TMPRSS11A: variants seen among roughly 807,000 people sequenced by gnomAD.
TMPRSS11A encodes the protein transmembrane serine protease 11A, also known as transmembrane protease serine 11A.
Under a neutral mutation model 58.9 loss-of-function variants are expected in TMPRSS11A, and 53 were observed. That is an observed-to-expected ratio of 0.90 (90% CI 0.72 to 1.13). The LOEUF (loss-of-function observed/expected upper bound fraction) is 1.13, where lower values mean the gene tolerates loss of function less well. Among genes scored for constraint, TMPRSS11A ranks in the 50% most tolerant of loss-of-function variants. The probability of loss-of-function intolerance (pLI) is 0.00; values close to 1 mark genes in which losing one functional copy is unlikely to be tolerated. For missense variants in TMPRSS11A, 493 were observed against 499.3 expected, an observed-to-expected ratio of 0.99 and a Z score of 0.12; for synonymous variants, 167 against 169.8, an observed-to-expected ratio of 0.98 and a Z score of 0.13.
In TMPRSS11A at chr4:67,914,710, G is replaced by A. The variant is rs376891245; in HGVS notation, c.973C>T (p.Arg325Ter). The change falls in exon 9 of 10, where the codon CGA becomes TGA. Residue 325 changes from arginine to a stop codon, truncating the protein, a stop_gained. Transcript: ENST00000508048. LOFTEE classifies it high-confidence loss of function. The part of the protein sequence containing the change: ...YYGGESQNDL[R>*]EARVKIISDD... ...CTTATGATTTTCACTCTGGCTTCTC[G>A]GAGATCATTTTGGGATTCCCCTTAA... 7.9e-5 allele frequency: 128 copies of A among 1,612,274 alleles called. No individual in the cohort carries two copies. Among genetic ancestry groups the A allele is most frequent in the South Asian group, 1.1e-4 (10 of 90,740 alleles).
chr4:67,946,905 ATCTG>A (rs1180530507), intron 1 of TMPRSS11A, among the ~76,000 whole-genome samples: 1 of 152,028 alleles, frequency 6.6e-6, no homozygotes, highest in Non-Finnish European at 1.5e-5. Context: ...TATCTCTTTT[ATCTG>A]TCTATCCTTT....
chr4:67,957,197 C>G (rs1221991363), intron 1 of TMPRSS11A, among the ~76,000 whole-genome samples: 1 of 152,038 alleles, frequency 6.6e-6, no homozygotes, highest in East Asian at 1.9e-4. Flanking sequence ...AAATTGGTAC[C>G]AATAGAGTGG....
intron 3 of TMPRSS11A, among the ~76,000 whole-genome samples, chr4:67,933,855 T>A (rs1720688652): frequency 6.6e-6 from 1 of 152,192 alleles, no homozygotes; most frequent in South Asian, 2.1e-4. Context: ...TAAAGAAGTT[T>A]GTTTTGTAAT....
At chr4:67,924,103 G>A in intron 6 of TMPRSS11A, 25 bp downstream of exon 6, 1 of 1,602,952 alleles carries the variant, frequency 6.2e-7, no homozygotes, top group Non-Finnish European at 8.5e-7. Flanking sequence ...AATTGAACTT[G>A]TTTATATAAG....
chr4:67,936,555 T>G (rs1720760498), intron 3 of TMPRSS11A, among the ~76,000 whole-genome samples: 1 of 152,078 alleles, frequency 6.6e-6, no homozygotes, highest in Admixed American at 6.6e-5. Context: ...CATGAAACTG[T>G]GACTTTCTGA....
At chr4:67,949,370 A>G (rs550325542) in intron 1 of TMPRSS11A, among the ~76,000 whole-genome samples, 1 of 152,356 alleles carries the variant, frequency 6.6e-6, no homozygotes, top group African/African-American at 2.4e-5. Flanking sequence ...AATGGTGGCC[A>G]GCAGACTAGG....
At position 67,919,208 on chromosome 4, in the gene TMPRSS11A, A is replaced by G. The variant is rs1720252108; in HGVS notation, c.717T>C (p.Thr239=). The change falls in exon 8 of 10, where the codon ACT becomes ACC. Residue 239 remains threonine (T), a synonymous_variant. Coordinates refer to ENST00000508048, the MANE Select transcript of TMPRSS11A (RefSeq NM_001114387.2). ...FQKYKNPHQW[T]VSFGTKINPP... ...GGTTGATTTTTGTTCCAAAACTAAC[A>G]GTCCATTGATGTGGATTTTTATACC... The G allele has an allele frequency of 6.2e-7, 1 of 1,613,996 alleles. No homozygotes were observed. Among genetic ancestry groups the G allele is most frequent in the Non-Finnish European group, 8.5e-7 (1 of 1,179,968 alleles).
intron 1 of TMPRSS11A, 105 bp from the exon 2 acceptor site, chr4:67,946,676 A>G: frequency 2.5e-6 from 3 of 1,176,986 alleles, no homozygotes; most frequent in Non-Finnish European, 3.4e-6. Flanking sequence ...CTTTCCCTGC[A>G]AAAAGGTCTT....
chr4:67,961,072 C>T (rs1354464704), intron 1 of TMPRSS11A, among the ~76,000 whole-genome samples: 1 of 152,116 alleles, frequency 6.6e-6, no homozygotes, highest in Non-Finnish European at 1.5e-5. Flanking sequence ...CAGATTCACA[C>T]CAAAACAGAA....
At chr4:67,953,006 T>C (rs1326677979) in intron 1 of TMPRSS11A, among the ~76,000 whole-genome samples, 3 of 152,294 alleles carry the variant, frequency 2.0e-5, no homozygotes, top group Non-Finnish European at 2.9e-5. Flanking sequence ...GGTGGTTTGG[T>C]AATGAAATTG....
At chr4:67,948,882 T>C (rs893131159) in intron 1 of TMPRSS11A, among the ~76,000 whole-genome samples, 1 of 152,160 alleles carries the variant, frequency 6.6e-6, no homozygotes, top group Non-Finnish European at 1.5e-5. Context: ...ATAATAGAAC[T>C]ACTAGTTATC....
intron 1 of TMPRSS11A, among the ~76,000 whole-genome samples, chr4:67,954,500 A>G (rs114262563): frequency 0.016 from 2,397 of 152,308 alleles, 70 homozygotes; most frequent in African/African-American, 0.055. Context: ...CACTCAGTTA[A>G]AGGTCCCTCT....
At chr4:67,942,716 G>A (rs1720908884) in intron 3 of TMPRSS11A, among the ~76,000 whole-genome samples, 1 of 152,166 alleles carries the variant, frequency 6.6e-6, no homozygotes, top group African/African-American at 2.4e-5. Context: ...CAATGACCTA[G>A]TAATTCTGCT....
In TMPRSS11A at chr4:67,932,788, A is replaced by G. The variant is rs548789133; in HGVS notation, c.253-728T>C. ...TTGTGGACTCTAGGGTAAATCAGGGAGGAAAAAAGAATTAGGTGGTATTCC... is the reference window on the plus strand; with the variant it reads ...TTGTGGACTCTAGGGTAAATCAGGGGGGAAAAAAGAATTAGGTGGTATTCC... On this transcript the variant is annotated intron_variant, in intron 3 of 9. Transcript: ENST00000508048. 2.0e-5 allele frequency among the ~76,000 whole-genome samples: 3 copies of G among 152,198 alleles called. No individual in the cohort carries two copies. In the East Asian group the frequency reaches 5.8e-4, roughly 29 times the overall value.
At chr4:67,920,740 A>C (rs993671378) in intron 7 of TMPRSS11A, among the ~76,000 whole-genome samples, 105 of 152,040 alleles carry the variant, frequency 6.9e-4, no homozygotes, top group African/African-American at 2.4e-3. Context: ...TATTAAGCCT[A>C]GTACCCATTA....
intron 3 of TMPRSS11A, among the ~76,000 whole-genome samples, chr4:67,940,544 G>T (rs758247893): frequency 6.6e-6 from 1 of 152,132 alleles, no homozygotes; most frequent in Non-Finnish European, 1.5e-5. Context: ...GTTCATAAGA[G>T]TCTCAGACGA....
intron 1 of TMPRSS11A, among the ~76,000 whole-genome samples, chr4:67,952,302 G>A (rs1306839130): frequency 6.6e-6 from 1 of 152,174 alleles, no homozygotes; most frequent in Non-Finnish European, 1.5e-5. Context: ...TGTTTTCTCT[G>A]TTATGTCAAA....
rs1383593102 is a variant in TMPRSS11A at position 67,909,782 on chromosome 4, G to T, written c.*1560C>A. 2.6e-5 allele frequency: 4 copies of T among 152,044 alleles called. No homozygotes were observed. The highest frequency in any genetic ancestry group is 4.4e-5 in the Non-Finnish European group (3 of 67,948). 9.4% of individuals were successfully genotyped at this position (152,044 alleles called of 1,614,324 possible). On this transcript the variant is annotated 3_prime_UTR_variant, in exon 10 of 10. Coordinates refer to ENST00000508048, the MANE Select transcript of TMPRSS11A (RefSeq NM_001114387.2). ...AATAGTTAAGAATTCAATAAAAATA[G>T]TTAAGAATATACTCATATTCTTAAA...
intron 1 of TMPRSS11A, among the ~76,000 whole-genome samples, chr4:67,951,433 G>A (rs1332375730): frequency 6.6e-6 from 1 of 152,120 alleles, no homozygotes; most frequent in Non-Finnish European, 1.5e-5. Flanking sequence ...GATGACTGGA[G>A]TCAAGACAAA....
Sources: allele counts gnomAD v4.1 joint callset (sites outside exome capture counted in the v4.1 genomes callset), GRCh38; gene constraint gnomAD v4.1.1; transcripts MANE v1.5; gene names NCBI Gene and HGNC (gene_info 2026-07-23, HGNC 2026-07-21).